Variants in ZDHHC5 observed in about 807,000 individuals in gnomAD.
ZDHHC5 encodes the protein palmitoyltransferase ZDHHC5.
ZDHHC5 carries 22 observed loss-of-function variants against 70.0 expected under a neutral mutation model. That is an observed-to-expected ratio of 0.31 (90% CI 0.22 to 0.45). The LOEUF is 0.45. Among genes scored for constraint, ZDHHC5 ranks in the 20% least tolerant of loss-of-function variants. ZDHHC5 has a pLI of 1.00. For synonymous variants in ZDHHC5, 313 were observed against 347.8 expected (o/e 0.90, Z 1.11); for missense variants, 746 against 926.9 (o/e 0.80, Z 2.53).
At chr11:57,694,443 C>T (rs1590869946) in intron 8 of ZDHHC5, among the ~76,000 whole-genome samples, 1 of 150,334 alleles carries the variant, frequency 6.7e-6, no homozygotes, top group Non-Finnish European at 1.5e-5. Flanking sequence ...CTCACTGCAA[C>T]CTCTGCCTCC....
At chr11:57,695,895 A>AT in intron 8 of ZDHHC5, 25 bp from the exon 9 acceptor site, 1 of 1,605,600 alleles carries the variant, frequency 6.2e-7, no homozygotes, top group Non-Finnish European at 8.5e-7. Flanking sequence ...TCTAAATCTG[A>AT]TTTTCCCTCC....
rs1455474706 is a variant in ZDHHC5 at position 57,699,338 on chromosome 11, G to A, written c.1902G>A (p.Ser634=). ...PGPTAPYLGR[S]MSYSSQKAQP... is the part of the protein sequence containing the mutation. The stretch of plus-strand genomic sequence containing the variant: ...CAACAGCCCCATACCTGGGCCGATC[G>A]ATGTCTTACAGCAGCCAAAAAGCCC... Residue 634 remains serine (S), a synonymous_variant, in exon 11 of 12, where the codon TCG becomes TCA. Coordinates refer to ENST00000287169, the MANE Select transcript of ZDHHC5 (RefSeq NM_015457.3). The A allele has an allele frequency of 1.2e-6, 2 of 1,612,656 alleles. No homozygotes were observed. The highest frequency in any genetic ancestry group is 8.5e-7 in the Non-Finnish European group (1 of 1,179,016).
chr11:57,695,953 TCTGCAGATGCTGAACCTCCAC>T lies in ZDHHC5; in HGVS notation c.922_942del (p.Ala308_Pro314del). 1 of 1,614,094 alleles carries T rather than the reference TCTGCAGATGCTGAACCTCCAC, an allele frequency of 6.2e-7. No individual in the cohort carries two copies. The highest frequency in any genetic ancestry group is 2.2e-5 in the East Asian group (1 of 44,886). On this transcript the variant is annotated inframe_deletion, in exon 9 of 12. Transcript: ENST00000287169. The stretch of plus-strand genomic sequence containing the variant: ...AAGCCTGGAGATAACAGAGAGCCAG[TCTGCAGATGCTGAACCTCCAC>T]CTCCTCCTAAGCCAGACCTGAGCCG...
At position 57,698,964 on chromosome 11, in the gene ZDHHC5, C is replaced by T. The variant is rs116848448; in HGVS notation, c.1528C>T (p.Arg510Trp). 4.3e-5 allele frequency: 69 copies of T among 1,612,902 alleles called. No individual in the cohort carries two copies. In the East Asian group the frequency reaches 8.2e-4, roughly 19 times the overall value. The part of the protein sequence containing the change: ...PFLSARLAQQ[R>W]EAERHPRLVP... Reference sequence around the variant, plus strand: ...CCTGTCAGCCAGGCTGGCCCAGCAACGGGAAGCTGAGAGGCACCCACGTTT... The same window carrying T: ...CCTGTCAGCCAGGCTGGCCCAGCAATGGGAAGCTGAGAGGCACCCACGTTT... Residue 510 changes from arginine (R) to tryptophan (W), a missense_variant, in exon 11 of 12, where the codon CGG becomes TGG. By Grantham distance (101) the Arg-to-Trp change is moderately radical. This residue lies in a region of ZDHHC5 where 340 missense variants were observed against 350.1 expected (regional missense o/e 0.97). Coordinates refer to ENST00000287169, the MANE Select transcript of ZDHHC5 (RefSeq NM_015457.3).
intron 1 of ZDHHC5, among the ~76,000 whole-genome samples, chr11:57,669,521 A>G (rs879335053): frequency 1.3e-5 from 2 of 152,022 alleles, no homozygotes; most frequent in Admixed American, 6.6e-5. Flanking sequence ...AGTGGCTGCT[A>G]TCTTGGCTCA....
At chr11:57,680,701 G>A (rs1946138823) in intron 2 of ZDHHC5, among the ~76,000 whole-genome samples, 1 of 152,196 alleles carries the variant, frequency 6.6e-6, no homozygotes, top group Non-Finnish European at 1.5e-5. Context: ...CTCTGACCTG[G>A]ATGACTGGTT....
chr11:57,684,782 A>T (rs1193290993), intron 3 of ZDHHC5, among the ~76,000 whole-genome samples: 1 of 152,194 alleles, frequency 6.6e-6, no homozygotes, highest in African/African-American at 2.4e-5. Context: ...TTCCTCTCAA[A>T]TGTGAGGTTA....
chr11:57,680,916 TG>T (rs1437702717), intron 2 of ZDHHC5, among the ~76,000 whole-genome samples: 2 of 152,246 alleles, frequency 1.3e-5, no homozygotes, highest in Admixed American at 6.5e-5. Flanking sequence ...ACTGAAGGTC[TG>T]TTTAGTCCCT....
chr11:57,697,828 C>CAA (rs1010913426), intron 10 of ZDHHC5, among the ~76,000 whole-genome samples: 141 of 28,018 alleles, frequency 5.0e-3, no homozygotes, highest in African/African-American at 8.9e-3. Context: ...GACTACACCT[C>CAA]AAAAAAAAAA....
intron 10 of ZDHHC5, 32 bp from the exon 11 acceptor site, chr11:57,698,527 G>C (rs749139891): frequency 1.3e-6 from 2 of 1,552,492 alleles, no homozygotes; most frequent in Non-Finnish European, 1.7e-6. Flanking sequence ...CACAAAAGGA[G>C]CACTAAGAGC....
At chr11:57,696,672 A>G in intron 9 of ZDHHC5, 89 bp from the exon 10 acceptor site, 6 of 1,179,754 alleles carry the variant, frequency 5.1e-6, no homozygotes, top group South Asian at 3.9e-5. Context: ...GTGCCACTGC[A>G]CTCTAGCTTG....
chr11:57,696,017 C>T lies in ZDHHC5; in HGVS notation c.983C>T (p.Thr328Ile). Residue 328 changes from threonine (T) to isoleucine (I), a missense_variant, in exon 9 of 12, where the codon ACA (threonine) becomes ATA (isoleucine). By Grantham distance (89) the Thr-to-Ile change is moderately conservative. Coordinates refer to ENST00000287169, the MANE Select transcript of ZDHHC5 (RefSeq NM_015457.3). ...PDLSRYTGLR[T>I]HLGLATNEDS... ...CTGAGCCGTTACACAGGGTTGCGAACACACCTCGGCTTGGCTACTAATGAG... is the reference window on the plus strand; with the variant it reads ...CTGAGCCGTTACACAGGGTTGCGAATACACCTCGGCTTGGCTACTAATGAG... The T allele has an allele frequency of 6.2e-7, 1 of 1,613,552 alleles. No homozygotes were observed. Among genetic ancestry groups the T allele is most frequent in the Non-Finnish European group, 8.5e-7 (1 of 1,179,896 alleles).
chr11:57,676,384 C>A (rs895845269), intron 2 of ZDHHC5, among the ~76,000 whole-genome samples: 3 of 152,148 alleles, frequency 2.0e-5, no homozygotes, highest in Non-Finnish European at 2.9e-5. Context: ...GCTGAAGTAA[C>A]CTTCTACCTC....
intron 1 of ZDHHC5, among the ~76,000 whole-genome samples, chr11:57,670,731 G>A (rs1945994918): frequency 6.6e-6 from 1 of 152,000 alleles, no homozygotes; most frequent in Admixed American, 6.6e-5. Context: ...TGAATCGTAA[G>A]GGAAGGCACC....
At chr11:57,684,130 A>G (rs1946182284) in intron 3 of ZDHHC5, among the ~76,000 whole-genome samples, 1 of 151,874 alleles carries the variant, frequency 6.6e-6, no homozygotes, top group Non-Finnish European at 1.5e-5. Context: ...GGGCCACCAC[A>G]CACAGCTAAT....
chr11:57,683,975 T>A (rs1372447366), intron 3 of ZDHHC5, among the ~76,000 whole-genome samples: 2 of 150,070 alleles, frequency 1.3e-5, no homozygotes, highest in Non-Finnish European at 1.5e-5. Flanking sequence ...ATAATTAATT[T>A]TTTTTTTTTT....
intron 11 of ZDHHC5, among the ~76,000 whole-genome samples, 187 bp from the exon 12 acceptor site, chr11:57,699,679 T>C (rs1946414259): frequency 6.6e-6 from 1 of 152,010 alleles, no homozygotes; most frequent in Non-Finnish European, 1.5e-5. Flanking sequence ...TACTAGAGAG[T>C]AGTAGTACAT....
chr11:57,694,461 A>C (rs1231584163), intron 8 of ZDHHC5, among the ~76,000 whole-genome samples: 1 of 151,906 alleles, frequency 6.6e-6, no homozygotes, highest in African/African-American at 2.4e-5. Flanking sequence ...TCCCAGGTTC[A>C]AGCGATTCTC....
chr11:57,679,323 G>A (rs1189477927), intron 2 of ZDHHC5, among the ~76,000 whole-genome samples: 2 of 151,938 alleles, frequency 1.3e-5, no homozygotes, highest in African/African-American at 2.4e-5. Flanking sequence ...CACCACGCCC[G>A]GATAATTTTT....
Sources: allele counts gnomAD v4.1 joint callset (sites outside exome capture counted in the v4.1 genomes callset), GRCh38; gene constraint gnomAD v4.1.1; regional missense constraint gnomAD v4.1.1; transcripts MANE v1.5; gene names NCBI Gene and HGNC (gene_info 2026-07-23, HGNC 2026-07-21).